The following CFAP61 variants were observed in gnomAD, a reference collection of about 807,000 sequenced individuals.
The protein encoded by CFAP61 is cilia- and flagella-associated protein 61.
CFAP61 carries 107 observed loss-of-function variants against 135.6 expected under a neutral mutation model. The observed-to-expected ratio is 0.79, with a 90% CI of 0.67 to 0.93. CFAP61 has a LOEUF of 0.93. Ranked by LOEUF, CFAP61 falls within the 40% of genes least tolerant of loss-of-function variation. The probability of loss-of-function intolerance (pLI) is 0.00; values close to 1 mark genes in which losing one functional copy is unlikely to be tolerated. For missense variants in CFAP61, 1,507 were observed against 1,556.2 expected (o/e 0.97, Z 0.53); for synonymous variants, 575 against 578.5 (o/e 0.99, Z 0.09).
intron 6 of CFAP61, among the ~76,000 whole-genome samples, chr20:20,079,408 T>C (rs1158340557): frequency 6.7e-6 from 1 of 149,518 alleles, no homozygotes; most frequent in Non-Finnish European, 1.5e-5. Flanking sequence ...GGTAAGGAAA[T>C]GAAAGCAAAG....
At chr20:20,128,215 A>G (rs1325960136) in intron 8 of CFAP61, among the ~76,000 whole-genome samples, 1 of 151,654 alleles carries the variant, frequency 6.6e-6, no homozygotes, top group African/African-American at 2.4e-5. Context: ...TCTCACCACC[A>G]GTTCAAATTG....
chr20:20,348,689 C>CAAAAAAAAAAAAAAAAAA (rs71198052), intron 26 of CFAP61, among the ~76,000 whole-genome samples: 2 of 53,460 alleles, frequency 3.7e-5, no homozygotes, highest in African/African-American at 1.5e-4. Context: ...GACTCCGTAT[C>CAAAAAAAAAAAAAAAAAA]AAAAAAAAAA....
intron 25 of CFAP61, among the ~76,000 whole-genome samples, chr20:20,337,542 G>A (rs1569311035): frequency 2.6e-5 from 3 of 116,802 alleles, no homozygotes; most frequent in Non-Finnish European, 5.1e-5. Flanking sequence ...AGATGGGTGG[G>A]TGGATGGATG....
intron 6 of CFAP61, among the ~76,000 whole-genome samples, chr20:20,079,076 C>G (rs2046253207): frequency 6.6e-6 from 1 of 152,206 alleles, no homozygotes; most frequent in Non-Finnish European, 1.5e-5. Context: ...GCTTCCGTAT[C>G]TATTAAAGAA....
At chr20:20,130,725 G>A (rs2050456126) in intron 8 of CFAP61, among the ~76,000 whole-genome samples, 1 of 151,740 alleles carries the variant, frequency 6.6e-6, no homozygotes. Flanking sequence ...CCAGTAGTGT[G>A]GGAAGGCTAG....
chr20:20,288,784 A>C lies in CFAP61; in HGVS notation c.2972A>C (p.Glu991Ala). 6.2e-7 allele frequency: 1 copy of C among 1,614,206 alleles called. No individual in the cohort carries two copies. Residue 991 changes from glutamate (E) to alanine (A), a missense_variant, in exon 23 of 27, where the codon GAG becomes GCG. Transcript: ENST00000245957. Reference sequence around the variant, plus strand: ...TTCTCCAATAGATACTACTCAAATGAGTGGACTCACAGCAACTTCAGTTCC... The same window carrying C: ...TTCTCCAATAGATACTACTCAAATGCGTGGACTCACAGCAACTTCAGTTCC... ...TKFSNRYYSN[E>A]WTHSNFSSKE...
At chr20:20,298,067 G>T in intron 24 of CFAP61, 114 bp from the exon 25 acceptor site, 1 of 701,790 alleles carries the variant, frequency 1.4e-6, no homozygotes. Flanking sequence ...TATTTGCAAA[G>T]AGGGATAAGA....
At chr20:20,293,857 A>T (rs2055187825) in intron 24 of CFAP61, among the ~76,000 whole-genome samples, 1 of 152,220 alleles carries the variant, frequency 6.6e-6, no homozygotes, top group Non-Finnish European at 1.5e-5. Flanking sequence ...CATCAAATTT[A>T]AAATTGTGTG....
In CFAP61 at chr20:20,288,724, A is replaced by G. The variant is rs1366745717; in HGVS notation, c.2912A>G (p.Asp971Gly). ...LVIDTNFHTNDIAIRAAGSLT... is the reference protein window; with the variant it reads ...LVIDTNFHTNGIAIRAAGSLT... ...ATTGATACCAACTTCCACACCAACG[A>G]CATAGCCATCAGAGCTGCTGGCTCC... Residue 971 changes from aspartate (D) to glycine (G), a missense_variant, in exon 23 of 27, where the codon GAC becomes GGC. Transcript: ENST00000245957. 5.6e-6 allele frequency: 9 copies of G among 1,614,052 alleles called. No individual in the cohort carries two copies. The highest frequency in any genetic ancestry group is 3.4e-6 in the Non-Finnish European group (4 of 1,180,004).
At chr20:20,097,575 C>G (rs2047674680) in intron 7 of CFAP61, among the ~76,000 whole-genome samples, 1 of 152,238 alleles carries the variant, frequency 6.6e-6, no homozygotes, top group Non-Finnish European at 1.5e-5. Flanking sequence ...TGGTACCAAT[C>G]AGGTACCTGG....
rs1443304393 is a variant in CFAP61 at position 20,281,241 on chromosome 20, T to C, written c.2796+3783T>C. ...CTGATATTTAGGTCTTTTATTTCAG[T>C]TACTTGCTTTATTCTACTCACTAGG... On this transcript the variant is annotated intron_variant, in intron 22 of 26. Coordinates refer to ENST00000245957, the MANE Select transcript of CFAP61 (RefSeq NM_015585.4). Among the ~76,000 whole-genome samples the C allele has an allele frequency of 2.0e-5, 3 of 152,298 alleles. No individual in the cohort carries two copies. The East Asian group carries it at 5.8e-4, about 29-fold the overall frequency.
intron 12 of CFAP61, 70 bp from the exon 13 acceptor site, chr20:20,169,251 T>G (rs1360545173): frequency 2.1e-6 from 3 of 1,450,354 alleles, no homozygotes; most frequent in Admixed American, 3.6e-5. Context: ...CTTGGTGTTT[T>G]TTAGAGGAAT....
chr20:20,071,594 C>T (rs958536402), intron 3 of CFAP61, among the ~76,000 whole-genome samples: 4 of 152,144 alleles, frequency 2.6e-5, no homozygotes, highest in African/African-American at 9.7e-5. Context: ...AGACAGGCCC[C>T]AGTTTTTGTG....
intron 6 of CFAP61, chr20:20,085,503 T>C: frequency 7.3e-7 from 1 of 1,366,556 alleles, no homozygotes; most frequent in Non-Finnish European, 9.8e-7. Flanking sequence ...GATTTGGATG[T>C]TTTTCTATTT....
At chr20:20,223,988 G>A (rs980661720) in intron 17 of CFAP61, among the ~76,000 whole-genome samples, 2 of 152,020 alleles carry the variant, frequency 1.3e-5, no homozygotes, top group African/African-American at 4.8e-5. Flanking sequence ...CTTTAAAAAG[G>A]GTCCATGAAA....
At chr20:20,135,832 G>A (rs954843509) in intron 8 of CFAP61, among the ~76,000 whole-genome samples, 5 of 152,132 alleles carry the variant, frequency 3.3e-5, no homozygotes. Flanking sequence ...TTACCAATGA[G>A]TTTTGTATCT....
chr20:20,281,244 C>T lies in CFAP61; in HGVS notation c.2796+3786C>T, dbSNP rs558923671. Among the ~76,000 whole-genome samples, 9 of 152,112 alleles carry T rather than the reference C, an allele frequency of 5.9e-5. No individual in the cohort carries two copies. The East Asian group carries it at 1.7e-3, about 29-fold the overall frequency. On this transcript the variant is annotated intron_variant, in intron 22 of 26. Transcript: ENST00000245957. ...ATATTTAGGTCTTTTATTTCAGTTA[C>T]TTGCTTTATTCTACTCACTAGGACC...
intron 15 of CFAP61, among the ~76,000 whole-genome samples, chr20:20,193,141 T>C (rs1384928286): frequency 6.6e-6 from 1 of 152,166 alleles, no homozygotes; most frequent in Non-Finnish European, 1.5e-5. Flanking sequence ...TATTTATACC[T>C]TTAGTCTTTT....
chr20:20,200,844 A>G, intron 17 of CFAP61: 1 of 985,418 alleles, frequency 1.0e-6, no homozygotes, highest in Non-Finnish European at 1.2e-6. Context: ...GCGTGCACTG[A>G]GGGATGGGGC....
Sources: allele counts gnomAD v4.1 joint callset (sites outside exome capture counted in the v4.1 genomes callset), GRCh38; gene constraint gnomAD v4.1.1; transcripts MANE v1.5; gene names NCBI Gene and HGNC (gene_info 2026-07-23, HGNC 2026-07-21).